The following RGS8 variants were observed in gnomAD, a reference collection of about 807,000 sequenced individuals.
RGS8 encodes the protein regulator of G-protein signaling 8.
Under a neutral mutation model 21.7 loss-of-function variants are expected in RGS8, and 8 were observed. The ratio of observed to expected loss-of-function variants is 0.37; its 90% CI spans 0.22 to 0.66. RGS8 has a LOEUF of 0.66. RGS8 is among the 30% of genes least tolerant of loss of function. The probability of loss-of-function intolerance (pLI) is 0.59; values close to 1 mark genes in which losing one functional copy is unlikely to be tolerated. For missense variants in RGS8, 157 were observed against 217.9 expected (o/e 0.72, Z 1.76); for synonymous variants, 80 against 83.6 (o/e 0.96, Z 0.24).
chr1:182,751,099 G>A, the RGS8 span, among the ~76,000 whole-genome samples: 1 of 152,196 alleles, frequency 6.6e-6, no homozygotes, highest in Non-Finnish European at 1.5e-5. Flanking sequence ...AGTAGTTAAG[G>A]TGGGCTATGA....
intron 5 of RGS8, among the ~76,000 whole-genome samples, chr1:182,665,239 T>C (rs1374976680): frequency 1.3e-5 from 2 of 152,172 alleles, no homozygotes; most frequent in Admixed American, 6.5e-5. Flanking sequence ...AGGTATTAAA[T>C]GCCACTAGTT....
the RGS8 span, among the ~76,000 whole-genome samples, chr1:182,689,888 A>T: frequency 6.6e-6 from 1 of 152,172 alleles, no homozygotes; most frequent in Non-Finnish European, 1.5e-5. Context: ...GTGATATCTC[A>T]AGGTCACTTC....
intron 1 of RGS8, among the ~76,000 whole-genome samples, chr1:182,681,614 G>A (rs1037333094): frequency 1.3e-5 from 2 of 152,162 alleles, no homozygotes; most frequent in South Asian, 4.1e-4. Flanking sequence ...TGGGACTCTG[G>A]GGACAGTTCT....
At chr1:182,668,082 T>C (rs1663961709) in intron 3 of RGS8, among the ~76,000 whole-genome samples, 1 of 152,194 alleles carries the variant, frequency 6.6e-6, no homozygotes, top group Admixed American at 6.5e-5. Flanking sequence ...ACACCATTTG[T>C]TTACGAATTG....
chr1:182,668,318 T>C (rs1184879496), intron 3 of RGS8, among the ~76,000 whole-genome samples: 5 of 152,240 alleles, frequency 3.3e-5, no homozygotes. Flanking sequence ...AAGTGCCGCT[T>C]GCACATTTGC....
chr1:182,747,043 C>CTTTTTTTTTTTTTTTTT, the RGS8 span, among the ~76,000 whole-genome samples: 162 of 21,048 alleles, frequency 7.7e-3, 52 homozygotes, highest in East Asian at 0.015. Context: ...CACTGCTGGT[C>CTTTTTTTTTTTTTTTTT]TTTTTTTTTT....
chr1:182,686,926 C>A (rs1664725280), upstream of RGS8, among the ~76,000 whole-genome samples: 1 of 151,962 alleles, frequency 6.6e-6, no homozygotes, highest in Non-Finnish European at 1.5e-5. Context: ...GTAGGAGGAC[C>A]AGAGGAATGA....
chr1:182,735,285 GTAT>G, the RGS8 span, among the ~76,000 whole-genome samples: 1 of 152,094 alleles, frequency 6.6e-6, no homozygotes, highest in Non-Finnish European at 1.5e-5. Context: ...TGGTTATAGA[GTAT>G]TATAATCAAC....
chr1:182,726,963 G>C, the RGS8 span, among the ~76,000 whole-genome samples: 1 of 151,368 alleles, frequency 6.6e-6, no homozygotes, highest in East Asian at 1.9e-4. Flanking sequence ...TCACCTTCTG[G>C]GGCCATGTAC....
the RGS8 span, among the ~76,000 whole-genome samples, chr1:182,728,641 AGT>A: frequency 1.3e-5 from 2 of 152,354 alleles, no homozygotes; most frequent in East Asian, 3.9e-4. Context: ...AAAATTTAAT[AGT>A]ATTCTTTAAA....
intron 5 of RGS8, among the ~76,000 whole-genome samples, chr1:182,657,196 T>C (rs1434666515): frequency 6.7e-6 from 1 of 149,528 alleles, no homozygotes; most frequent in Non-Finnish European, 1.5e-5. Context: ...AGCTCCACAC[T>C]GTTTCTCCCC....
the RGS8 span, among the ~76,000 whole-genome samples, chr1:182,720,948 TATATA>T: frequency 3.8e-5 from 3 of 78,080 alleles, no homozygotes; most frequent in Non-Finnish European, 8.2e-5. Context: ...TATATATACA[TATATA>T]CATACATATG....
chr1:182,742,742 A>AC, the RGS8 span, among the ~76,000 whole-genome samples: 1 of 150,778 alleles, frequency 6.6e-6, no homozygotes, highest in Non-Finnish European at 1.5e-5. Context: ...AGAGAGGGAG[A>AC]GGGAGAGGGA....
chr1:182,693,076 T>G, the RGS8 span, among the ~76,000 whole-genome samples: 3 of 152,174 alleles, frequency 2.0e-5, no homozygotes, highest in Non-Finnish European at 4.4e-5. Flanking sequence ...AGGCAAATAC[T>G]TTATGGGGAA....
At chr1:182,708,740 G>C in the RGS8 span, among the ~76,000 whole-genome samples, 1 of 152,236 alleles carries the variant, frequency 6.6e-6, no homozygotes, top group Non-Finnish European at 1.5e-5. Context: ...TGGGCCGCAT[G>C]GGGGAATCAG....
At chr1:182,719,858 C>T in the RGS8 span, among the ~76,000 whole-genome samples, 20 of 152,264 alleles carry the variant, frequency 1.3e-4, no homozygotes, top group Non-Finnish European at 2.4e-4. Flanking sequence ...ATGTTACACA[C>T]TGTAGCTTGG....
chr1:182,686,731 G>A (rs1246859673), upstream of RGS8, among the ~76,000 whole-genome samples: 3 of 152,206 alleles, frequency 2.0e-5, no homozygotes, highest in Non-Finnish European at 2.9e-5. Flanking sequence ...GATCTTAGCA[G>A]AGAGGTAGGA....
At chr1:182,711,538 A>G in the RGS8 span, among the ~76,000 whole-genome samples, 1 of 152,162 alleles carries the variant, frequency 6.6e-6, no homozygotes, top group African/African-American at 2.4e-5. Context: ...AGGAGGGAGG[A>G]AAGGAGGACT....
At chr1:182,751,495 C>A in the RGS8 span, among the ~76,000 whole-genome samples, 3 of 152,148 alleles carry the variant, frequency 2.0e-5, no homozygotes, top group Admixed American at 2.0e-4. Context: ...AATAATTGGG[C>A]TCTGAACAGG....
Sources: allele counts gnomAD v4.1 joint callset (sites outside exome capture counted in the v4.1 genomes callset), GRCh38; gene constraint gnomAD v4.1.1; transcripts MANE v1.5; gene names NCBI Gene and HGNC (gene_info 2026-07-23, HGNC 2026-07-21).